The following CHN2 variants were observed in gnomAD, a reference collection of about 807,000 sequenced individuals.
The protein encoded by CHN2 is chimerin 2.
CHN2 carries 35 observed loss-of-function variants against 56.3 expected under a neutral mutation model. The observed-to-expected ratio is 0.62, with a 90% confidence interval of 0.47 to 0.82. The LOEUF (loss-of-function observed/expected upper bound fraction) is 0.82. CHN2 is among the 40% of genes least tolerant of loss of function. The pLI, the probability that CHN2 is intolerant of heterozygous loss-of-function variation, is 0.00. For missense variants in CHN2, 491 were observed against 580.5 expected (o/e 0.85, Z 1.58); for synonymous variants, 210 against 212.8 (o/e 0.99, Z 0.12).
intron 1 of CHN2, among the ~76,000 whole-genome samples, chr7:29,348,300 C>G (rs1373348184): frequency 6.6e-6 from 1 of 152,148 alleles, no homozygotes; most frequent in African/African-American, 2.4e-5. Context: ...TTAGTTAAAA[C>G]TTTAGCACGT....
chr7:29,178,915 A>C (rs991262591), intron 2 of CHN2, among the ~76,000 whole-genome samples: 2 of 152,222 alleles, frequency 1.3e-5, no homozygotes, highest in African/African-American at 4.8e-5. Context: ...CAAACTAATA[A>C]AAAGAACACT....
chr7:29,329,333 C>T (rs1796035504), intron 1 of CHN2, among the ~76,000 whole-genome samples: 1 of 145,670 alleles, frequency 6.9e-6, no homozygotes, highest in African/African-American at 2.5e-5. Context: ...AAGAGTTTAA[C>T]TCCTCCTTAC....
chr7:29,358,949 G>A (rs9648360), intron 2 of CHN2, among the ~76,000 whole-genome samples: 33,058 of 152,102 alleles, frequency 0.22, 4,432 homozygotes, highest in Non-Finnish European at 0.3. Flanking sequence ...TCTTGGCTCC[G>A]CTTTCCTAGA....
chr7:29,283,723 A>G (rs1210692576), intron 1 of CHN2, among the ~76,000 whole-genome samples: 2 of 151,938 alleles, frequency 1.3e-5, no homozygotes, highest in African/African-American at 4.8e-5. Context: ...AGTTCAAGCA[A>G]TTCTCCAGCC....
chr7:29,326,082 T>A (rs536336188), intron 1 of CHN2, among the ~76,000 whole-genome samples: 2 of 152,222 alleles, frequency 1.3e-5, no homozygotes, highest in African/African-American at 2.4e-5. Flanking sequence ...GTGTCCTATA[T>A]GCAAGTCACG....
intron 1 of CHN2, chr7:29,198,113 C>T (rs1022399694): frequency 1.6e-5 from 7 of 450,542 alleles, no homozygotes; most frequent in Non-Finnish European, 2.2e-5. Flanking sequence ...TCTTTCTGTT[C>T]AGGTAGCAGT....
chr7:29,486,844 C>T (rs1312847681), intron 7 of CHN2, among the ~76,000 whole-genome samples: 1 of 152,186 alleles, frequency 6.6e-6, no homozygotes, highest in South Asian at 2.1e-4. Flanking sequence ...CTGTCCAGGA[C>T]GTGGCAGCAC....
chr7:29,229,001 A>G (rs184527324), intron 1 of CHN2, among the ~76,000 whole-genome samples: 1 of 152,294 alleles, frequency 6.6e-6, no homozygotes, highest in Non-Finnish European at 1.5e-5. Flanking sequence ...CCATGGATTC[A>G]GGGATGGACT....
At chr7:29,180,272 T>C (rs1214255759) in intron 2 of CHN2, among the ~76,000 whole-genome samples, 1 of 152,194 alleles carries the variant, frequency 6.6e-6, no homozygotes, top group Non-Finnish European at 1.5e-5. Context: ...ACGCCTGTAA[T>C]CCCAGCACTT....
chr7:29,486,887 G>C (rs530794594), intron 7 of CHN2, among the ~76,000 whole-genome samples: 1 of 152,300 alleles, frequency 6.6e-6, no homozygotes, highest in Admixed American at 6.5e-5. Flanking sequence ...GAGGCTCCTT[G>C]ATGATTTCTA....
chr7:29,224,580 C>A (rs1179217089), intron 1 of CHN2, among the ~76,000 whole-genome samples: 1 of 152,142 alleles, frequency 6.6e-6, no homozygotes, highest in African/African-American at 2.4e-5. Flanking sequence ...ATCTTTGTCT[C>A]AGTTTTAAAT....
intron 1 of CHN2, among the ~76,000 whole-genome samples, chr7:29,210,981 G>A (rs1385293623): frequency 6.6e-6 from 1 of 152,164 alleles, no homozygotes; most frequent in East Asian, 1.9e-4. Context: ...CCGCCCTAAG[G>A]ACTTTGGCTT....
chr7:29,228,177 CGT>C (rs374910303), intron 1 of CHN2, among the ~76,000 whole-genome samples: 197 of 149,384 alleles, frequency 1.3e-3, no homozygotes, highest in East Asian at 3.0e-3. Flanking sequence ...CACACACACA[CGT>C]GTGTGTGTGT....
chr7:29,202,155 T>C (rs1347707597), intron 1 of CHN2, among the ~76,000 whole-genome samples: 8 of 152,162 alleles, frequency 5.3e-5, no homozygotes, highest in Admixed American at 6.5e-5. Flanking sequence ...CCATTGAATC[T>C]CCTTTAAAGA....
intron 2 of CHN2, among the ~76,000 whole-genome samples, chr7:29,170,587 C>A (rs1181222412): frequency 6.6e-6 from 1 of 152,130 alleles, no homozygotes; most frequent in Non-Finnish European, 1.5e-5. Flanking sequence ...CATTACATGA[C>A]AAATGTATGT....
intron 1 of CHN2, among the ~76,000 whole-genome samples, chr7:29,330,821 C>T (rs757764090): frequency 1.3e-5 from 2 of 152,128 alleles, no homozygotes; most frequent in Non-Finnish European, 2.9e-5. Flanking sequence ...AGACGAAAGT[C>T]CCGTTGCATA....
intron 4 of CHN2, among the ~76,000 whole-genome samples, chr7:29,395,894 G>T (rs951083211): frequency 6.6e-6 from 1 of 152,036 alleles, no homozygotes; most frequent in Admixed American, 6.5e-5. Flanking sequence ...TAAGTTCTAG[G>T]TGACTATAGT....
At chr7:29,197,000 C>A (rs893475734) in intron 1 of CHN2, among the ~76,000 whole-genome samples, 2 of 152,184 alleles carry the variant, frequency 1.3e-5, no homozygotes, top group Non-Finnish European at 2.9e-5. Context: ...CCCAATTAAT[C>A]AGGCACTTTG....
intron 7 of CHN2, chr7:29,484,097 T>C (rs1349431369): frequency 2.5e-6 from 1 of 394,974 alleles, no homozygotes; most frequent in African/African-American, 2.1e-5. Context: ...TTTTTTTCTT[T>C]TGTCTCTTTT....
Sources: allele counts gnomAD v4.1 joint callset (sites outside exome capture counted in the v4.1 genomes callset), GRCh38; gene constraint gnomAD v4.1.1; transcripts MANE v1.5; gene names NCBI Gene and HGNC (gene_info 2026-07-23, HGNC 2026-07-21).